Variants in SV2C observed in about 807,000 individuals in gnomAD.
SV2C encodes synaptic vesicle glycoprotein 2C.
In SV2C, 49 loss-of-function variants were observed where a neutral mutation model predicts 79.7. The observed-to-expected ratio is 0.61, with a 90% CI of 0.49 to 0.78. SV2C has a LOEUF of 0.78. Among genes scored for constraint, SV2C ranks in the 30% least tolerant of loss-of-function variants. SV2C has a pLI of 0.00. For synonymous variants in SV2C, 334 were observed against 333.2 expected, an observed-to-expected ratio of 1.00 and a Z score of -0.03; for missense variants, 833 against 912.9, an observed-to-expected ratio of 0.91 and a Z score of 1.13.
At chr5:76,182,786 T>C (rs1236553279) in intron 2 of SV2C, among the ~76,000 whole-genome samples, 1 of 151,894 alleles carries the variant, frequency 6.6e-6, no homozygotes, top group African/African-American at 2.4e-5. Flanking sequence ...AAAGAAAGGG[T>C]CGTGATGCTG....
chr5:75,884,521 A>G, the SV2C span, among the ~76,000 whole-genome samples: 1 of 152,158 alleles, frequency 6.6e-6, no homozygotes, highest in Non-Finnish European at 1.5e-5. Flanking sequence ...GGTATTGTTC[A>G]TAGTGTTGAT....
intron 1 of SV2C, among the ~76,000 whole-genome samples, chr5:76,129,656 A>G (rs1748816526): frequency 6.6e-6 from 1 of 152,202 alleles, no homozygotes; most frequent in South Asian, 2.1e-4. Context: ...AACCCTGTAA[A>G]GCATGTGGTA....
rs78493754 is a variant in SV2C at position 76,339,023 on chromosome 5, C to T, written c.2001-14107C>T. Among the ~76,000 whole-genome samples, 8 of 151,982 alleles carry T rather than the reference C, an allele frequency of 5.3e-5. No homozygotes were observed. The East Asian group carries it at 1.2e-3, about 22-fold the overall frequency. ...TTCCAAACTGAGGACTGGAAGCTTCCGAGGCAGACACTGTGTCACCATTGC... is the reference window on the plus strand; with the variant it reads ...TTCCAAACTGAGGACTGGAAGCTTCTGAGGCAGACACTGTGTCACCATTGC... On this transcript the variant is annotated intron_variant, in intron 12 of 12. Coordinates refer to the SV2C transcript ENST00000322285.
chr5:76,333,001 A>G lies in SV2C; in HGVS notation c.*7454A>G, dbSNP rs113626067. On this transcript the variant is annotated 3_prime_UTR_variant, in exon 13 of 13. Transcript: ENST00000502798. ...GACCCAGTACAGAGAATCCACTGTT[A>G]TCTATGGGTGTCATTCCTTCAGAAA... The G allele has an allele frequency of 3.3e-5, 5 of 152,342 alleles. 1 individual carries two copies. The highest frequency in any genetic ancestry group is 1.2e-4 in the African/African-American group (5 of 41,580). The allele number at this position is 152,342 out of a possible 1,614,324, so 9.4% of individuals were successfully genotyped here. A position where few individuals can be genotyped will look rare whatever the true frequency, so the allele number is the denominator to read the frequency against.
At chr5:76,179,634 C>T (rs1743658991) in intron 2 of SV2C, among the ~76,000 whole-genome samples, 1 of 152,176 alleles carries the variant, frequency 6.6e-6, no homozygotes, top group African/African-American at 2.4e-5. Context: ...ATCGAGGAGC[C>T]CTCGTGTGAT....
chr5:76,320,179 A>G (rs1401271760), intron 12 of SV2C, among the ~76,000 whole-genome samples: 1 of 150,668 alleles, frequency 6.6e-6, no homozygotes, highest in African/African-American at 2.4e-5. Flanking sequence ...TTTAAGTGAA[A>G]GAAGTCAGTC....
chr5:76,221,056 A>G (rs1382478184), intron 4 of SV2C, among the ~76,000 whole-genome samples: 1 of 152,202 alleles, frequency 6.6e-6, no homozygotes, highest in Non-Finnish European at 1.5e-5. Flanking sequence ...TCTCTGCTGC[A>G]CCATTTCATT....
the SV2C span, among the ~76,000 whole-genome samples, chr5:75,937,905 T>G: frequency 6.6e-6 from 1 of 152,016 alleles, no homozygotes; most frequent in African/African-American, 2.4e-5. Context: ...TCATCTTTGT[T>G]GGCCAATTTC....
At chr5:75,995,597 A>G in the SV2C span, among the ~76,000 whole-genome samples, 1 of 152,128 alleles carries the variant, frequency 6.6e-6, no homozygotes, top group Admixed American at 6.6e-5. Context: ...GATAACAACC[A>G]TACTCATTTT....
At chr5:76,041,452 G>T in the SV2C span, among the ~76,000 whole-genome samples, 1 of 152,134 alleles carries the variant, frequency 6.6e-6, no homozygotes, top group African/African-American at 2.4e-5. Context: ...CATCCCTGGG[G>T]ATGCACAGAG....
chr5:76,217,036 A>G (rs918688644), intron 4 of SV2C, among the ~76,000 whole-genome samples: 10 of 152,290 alleles, frequency 6.6e-5, no homozygotes, highest in African/African-American at 2.4e-4. Flanking sequence ...AATTAGCTAA[A>G]TGGGAAAGTT....
At chr5:75,989,300 T>C in the SV2C span, among the ~76,000 whole-genome samples, 1 of 151,354 alleles carries the variant, frequency 6.6e-6, no homozygotes, top group Non-Finnish European at 1.5e-5. Context: ...ATGCTGTCCC[T>C]CCTCCCCTCG....
At chr5:76,147,350 A>AT (rs1749469661) in intron 2 of SV2C, among the ~76,000 whole-genome samples, 1 of 152,226 alleles carries the variant, frequency 6.6e-6, no homozygotes, top group African/African-American at 2.4e-5. Flanking sequence ...TGGGACTGGC[A>AT]GTACATCCTG....
At chr5:76,226,622 A>AT (rs1285676160) in intron 4 of SV2C, among the ~76,000 whole-genome samples, 3 of 152,212 alleles carry the variant, frequency 2.0e-5, no homozygotes, top group Non-Finnish European at 2.9e-5. Context: ...CTACTAAACT[A>AT]TTTCTAAAGT....
chr5:76,192,373 G>C (rs1744130899), intron 2 of SV2C, among the ~76,000 whole-genome samples: 1 of 152,144 alleles, frequency 6.6e-6, no homozygotes, highest in South Asian at 2.1e-4. Context: ...TTCAAGTTCT[G>C]ACTTCTGACA....
At chr5:75,921,442 ACTT>A in the SV2C span, 1 of 801,568 alleles carries the variant, frequency 1.2e-6, no homozygotes, top group Non-Finnish European at 2.3e-6. Context: ...TCCAGCTTGA[ACTT>A]CTTGCCATCC....
chr5:75,891,557 ATCTT>A, the SV2C span, among the ~76,000 whole-genome samples: 1 of 152,154 alleles, frequency 6.6e-6, no homozygotes, highest in Non-Finnish European at 1.5e-5. Flanking sequence ...ATTTTTGAAT[ATCTT>A]TCTTTCCAAT....
At position 76,250,910 on chromosome 5, in the gene SV2C, C is replaced by T. The variant is rs540180020; in HGVS notation, c.914-34252C>T. On this transcript the variant is annotated intron_variant, in intron 4 of 12. Coordinates refer to ENST00000502798, the MANE Select transcript of SV2C (RefSeq NM_014979.4). Reference sequence around the variant, plus strand: ...TTGCCCTTGCCTACAAGAAGGGCAGCCATCAGCTGTGTATTATGAGAGCTC... The same window carrying T: ...TTGCCCTTGCCTACAAGAAGGGCAGTCATCAGCTGTGTATTATGAGAGCTC... Among the ~76,000 whole-genome samples, 7 of 152,084 alleles carry T rather than the reference C, an allele frequency of 4.6e-5. No individual in the cohort carries two copies. The South Asian group carries it at 1.2e-3, about 27-fold the overall frequency.
At chr5:76,189,992 T>TA (rs1580342308) in intron 2 of SV2C, among the ~76,000 whole-genome samples, 1 of 152,168 alleles carries the variant, frequency 6.6e-6, no homozygotes, top group East Asian at 1.9e-4. Context: ...AGAACTGGCA[T>TA]AAAAAAGTTG....
Sources: gnomAD v4.1 joint callset for allele counts (sites outside exome capture counted in the v4.1 genomes callset) on GRCh38, gnomAD v4.1.1 for gene constraint, MANE v1.5 for transcripts, NCBI Gene and HGNC (gene_info 2026-07-23, HGNC 2026-07-21) for gene names.